Variants in TLDC2 observed in about 807,000 individuals in gnomAD.
TLDC2 encodes the protein TBC/LysM-associated domain containing 2, also known as TLD domain-containing protein 2.
In TLDC2, 23 loss-of-function variants were observed where a neutral mutation model predicts 27.9. The ratio of observed to expected loss-of-function variants is 0.82; its 90% CI spans 0.59 to 1.17. The LOEUF is 1.17. Among genes scored for constraint, TLDC2 ranks in the 50% most tolerant of loss-of-function variants. The pLI, the probability that TLDC2 is intolerant of heterozygous loss-of-function variation, is 0.00. For synonymous variants in TLDC2, 124 were observed against 107.4 expected (o/e 1.16, Z -0.96); for missense variants, 286 against 273.4 (o/e 1.05, Z -0.32).
intron 1 of TLDC2, 119 bp downstream of exon 1, chr20:36,876,326 C>T (rs1180382483): frequency 4.5e-6 from 6 of 1,344,524 alleles, no homozygotes; most frequent in Non-Finnish European, 6.4e-6. Context: ...CCTCTCAAGT[C>T]CCTCCCTGGC....
chr20:36,882,463 T>C (rs1601097964), intron 4 of TLDC2, among the ~76,000 whole-genome samples: 1 of 151,666 alleles, frequency 6.6e-6, no homozygotes, highest in South Asian at 2.1e-4. Context: ...GGGACTGAGG[T>C]GGGAGGATTG....
At chr20:36,880,331 T>A (rs1426814142) in intron 3 of TLDC2, among the ~76,000 whole-genome samples, 1 of 151,666 alleles carries the variant, frequency 6.6e-6, no homozygotes, top group Non-Finnish European at 1.5e-5. Flanking sequence ...TGACCTCAGG[T>A]GATCAGCCTG....
intron 4 of TLDC2, among the ~76,000 whole-genome samples, chr20:36,884,160 G>C (rs927680458): frequency 6.6e-6 from 1 of 152,094 alleles, no homozygotes; most frequent in Non-Finnish European, 1.5e-5. Context: ...TCACTCCTTG[G>C]CTTCCTCTTT....
chr20:36,877,955 G>A lies in TLDC2; in HGVS notation c.90G>A (p.Glu30=). The A allele has an allele frequency of 6.2e-7, 1 of 1,614,068 alleles. No individual in the cohort carries two copies. Among genetic ancestry groups the A allele is most frequent in the Non-Finnish European group, 8.5e-7 (1 of 1,179,988 alleles). ...AGGAGGGTAACGAAGAGGAAGAGGA[G>A]GAGGAGGCAGCTCCAGACCCAGCTG... is the stretch of plus-strand genomic sequence containing the variant. ...SGEEGNEEEE[E]EEAAPDPAAA... is the part of the protein sequence containing the mutation. Residue 30 remains glutamate (E), a synonymous_variant, in exon 2 of 7, where the codon GAG becomes GAA. Coordinates refer to ENST00000217320, the MANE Select transcript of TLDC2 (RefSeq NM_080628.3).
At chr20:36,888,504 A>G (rs1389165327) in intron 5 of TLDC2, among the ~76,000 whole-genome samples, 1 of 150,302 alleles carries the variant, frequency 6.7e-6, no homozygotes, top group Non-Finnish European at 1.5e-5. Flanking sequence ...CAGGAGATCG[A>G]GACCGTCCTG....
chr20:36,878,935 T>C (rs1989736182), intron 2 of TLDC2, 106 bp from the exon 3 acceptor site: 2 of 1,537,418 alleles, frequency 1.3e-6, no homozygotes, highest in Non-Finnish European at 1.8e-6. Flanking sequence ...CTCTATCGCC[T>C]GTAAAGCACT....
rs1989794354 is a variant in TLDC2, at chr20:36,880,699, C to T, written c.387C>T (p.Gly129=). 2 of 1,614,244 alleles carry T rather than the reference C, an allele frequency of 1.2e-6. No homozygotes were observed. The highest frequency in any genetic ancestry group is 4.5e-5 in the East Asian group (2 of 44,880). ...CCTCGGCTATCCGACTCAGCAAAGG[C>T]TTCTATGGTACTGGCGAGACATTCC... ...FSSSAIRLSK[G]FYGTGETFLF... Residue 129 remains glycine (G), a synonymous_variant, in exon 4 of 7, where the codon GGC becomes GGT. Transcript: ENST00000217320.
At chr20:36,877,777 G>C in intron 1 of TLDC2, 122 bp from the exon 2 acceptor site, 1 of 1,160,912 alleles carries the variant, frequency 8.6e-7, no homozygotes, top group Admixed American at 2.3e-5. Flanking sequence ...GGCTGGGCTG[G>C]GGGTTACAGG....
At chr20:36,887,561 G>A (rs371597800) in intron 5 of TLDC2, 33 bp downstream of exon 5, 10 of 1,600,158 alleles carry the variant, frequency 6.2e-6, no homozygotes, top group South Asian at 5.5e-5. Flanking sequence ...GTCTTGGGGC[G>A]GTCTGTGTTC....
In TLDC2 at chr20:36,889,547, T is replaced by TGG. The variant is rs943737698; in HGVS notation, c.*17+148_*17+149dup. The TGG allele has an allele frequency of 3.0e-6, 3 of 986,596 alleles. No individual in the cohort carries two copies. In the African/African-American group the frequency reaches 4.9e-5, roughly 16 times the overall value. 61.1% of individuals were successfully genotyped at this position (986,596 alleles called of 1,614,324 possible). On this transcript the variant is annotated intron_variant, in intron 6 of 6. Coordinates refer to ENST00000217320, the MANE Select transcript of TLDC2 (RefSeq NM_080628.3). ...GTGGCCTGGGGACCCAAGATACAGGTGGGGGCAGGCACTGCTCTTTTGCAG... is the reference window on the plus strand; with the variant it reads ...GTGGCCTGGGGACCCAAGATACAGGTGGGGGGGCAGGCACTGCTCTTTTGCAG...
chr20:36,885,730 C>T (rs1159582511), intron 4 of TLDC2, among the ~76,000 whole-genome samples: 2 of 152,206 alleles, frequency 1.3e-5, no homozygotes, highest in Admixed American at 6.5e-5. Context: ...TATCGTTTTG[C>T]AGCCCTTTAA....
At position 36,893,203 on chromosome 20, in the gene TLDC2, T is replaced by A; in HGVS notation, c.*359T>A. 6 of 1,058,030 alleles carry A rather than the reference T, an allele frequency of 5.7e-6. No homozygotes were observed. Among genetic ancestry groups the A allele is most frequent in the South Asian group, 5.4e-5 (4 of 73,800 alleles). The allele number at this position is 1,058,030 out of a possible 1,614,324, so 65.5% of individuals were successfully genotyped here. A position where few individuals can be genotyped will look rare whatever the true frequency, so the allele number is the denominator to read the frequency against. ...CTAGCTGTCCTCAATCCAGGGAAAC[T>A]CCAAATTACATATGCCCTGTGCTTG... On this transcript the variant is annotated 3_prime_UTR_variant, in exon 7 of 7. Coordinates refer to ENST00000217320, the MANE Select transcript of TLDC2 (RefSeq NM_080628.3).
chr20:36,887,436 T>C lies in TLDC2; in HGVS notation c.439-19T>C. 1 of 1,610,128 alleles carries C rather than the reference T, an allele frequency of 6.2e-7. No homozygotes were observed. The highest frequency in any genetic ancestry group is 1.3e-5 in the African/African-American group (1 of 74,976). ...CTCGCTCGCTTAGTAACCTGAGCCT[T>C]TCCCTATGTATCACCCAGGTCTTTA... On this transcript the variant is annotated intron_variant, in intron 4 of 6. Coordinates refer to ENST00000217320, the MANE Select transcript of TLDC2 (RefSeq NM_080628.3).
intron 5 of TLDC2, among the ~76,000 whole-genome samples, chr20:36,888,924 AG>A (rs1489019320): frequency 1.3e-5 from 2 of 151,848 alleles, no homozygotes; most frequent in Non-Finnish European, 2.9e-5. Context: ...AGGGAGGCTG[AG>A]GTAGGAAAAT....
chr20:36,885,724 G>A (rs893083910), intron 4 of TLDC2, among the ~76,000 whole-genome samples: 2 of 152,120 alleles, frequency 1.3e-5, no homozygotes, highest in African/African-American at 4.8e-5. Context: ...ACATCCTATC[G>A]TTTTGCAGCC....
At chr20:36,878,085 C>G in intron 2 of TLDC2, 31 bp downstream of exon 2, 1 of 1,594,972 alleles carries the variant, frequency 6.3e-7, no homozygotes, top group African/African-American at 1.3e-5. Flanking sequence ...ACAAGAATTT[C>G]AGCCCTAAAC....
At position 36,880,742 on chromosome 20, in the gene TLDC2, C is replaced by G; in HGVS notation, c.430C>G (p.Gln144Glu). Residue 144 changes from glutamine (Q) to glutamate (E), a missense_variant, in exon 4 of 7, where the codon CAG becomes GAG. Transcript: ENST00000217320. ...GETFLFSFSP[Q>E]LKVFKWTGSN... ...GACATTCCTCTTCTCCTTCTCCCCA[C>G]AGCTGAAGGTGATGTTCCCAACCTT... 6.2e-7 allele frequency: 1 copy of G among 1,614,028 alleles called. No homozygotes were observed. Among genetic ancestry groups the G allele is most frequent in the South Asian group, 1.1e-5 (1 of 91,086 alleles).
intron 4 of TLDC2, among the ~76,000 whole-genome samples, chr20:36,883,823 G>A (rs1206920644): frequency 6.6e-6 from 1 of 152,168 alleles, no homozygotes; most frequent in Non-Finnish European, 1.5e-5. Context: ...GCAGGGCTCA[G>A]TGGCTCATGC....
At chr20:36,881,335 G>A (rs1217023749) in intron 4 of TLDC2, among the ~76,000 whole-genome samples, 6 of 151,226 alleles carry the variant, frequency 4.0e-5, no homozygotes, top group Non-Finnish European at 8.8e-5. Flanking sequence ...AGCCATGATC[G>A]CACCACTGCA....
Sources: allele counts gnomAD v4.1 joint callset (sites outside exome capture counted in the v4.1 genomes callset), GRCh38; gene constraint gnomAD v4.1.1; transcripts MANE v1.5; gene names NCBI Gene and HGNC (gene_info 2026-07-23, HGNC 2026-07-21).